The following THSD4 variants were observed in gnomAD, a reference collection of about 807,000 sequenced individuals.
THSD4 encodes the protein thrombospondin type 1 domain containing 4.
In THSD4, 69 loss-of-function variants were observed where a neutral mutation model predicts 119.0. The ratio of observed to expected loss-of-function variants is 0.58; its 90% CI spans 0.48 to 0.71. The LOEUF is 0.71. Among genes scored for constraint, THSD4 ranks in the 30% least tolerant of loss-of-function variants. The pLI, the probability that THSD4 is intolerant of heterozygous loss-of-function variation, is 0.00. For synonymous variants in THSD4, 524 were observed against 540.4 expected (o/e 0.97, Z 0.42); for missense variants, 1,393 against 1,391.1 (o/e 1.00, Z -0.02).
chr15:71,779,951 G>A lies in THSD4; in HGVS notation c.*2577G>A, dbSNP rs993545453. 4.0e-5 allele frequency: 6 copies of A among 150,184 alleles called. No individual in the cohort carries two copies. The highest frequency in any genetic ancestry group is 1.5e-4 in the African/African-American group (6 of 40,810). 9.3% of individuals were successfully genotyped at this position (150,184 alleles called of 1,614,324 possible). On this transcript the variant is annotated 3_prime_UTR_variant, in exon 18 of 18. Transcript: ENST00000261862. ...TTATTATAGTTTGATCAATTTATTT[G>A]TCTTAGAGATCCAATTTTTACTAAT...
intron 7 of THSD4, among the ~76,000 whole-genome samples, chr15:71,474,277 T>C (rs555100449): frequency 6.6e-6 from 1 of 152,250 alleles, no homozygotes; most frequent in African/African-American, 2.4e-5. Context: ...TGAAGTGCAG[T>C]GGCGTGATCT....
intron 1 of THSD4, among the ~76,000 whole-genome samples, chr15:71,116,041 G>A (rs948683276): frequency 6.6e-6 from 1 of 152,206 alleles, no homozygotes; most frequent in Non-Finnish European, 1.5e-5. Flanking sequence ...TCGGGGCCCC[G>A]TGCTCCCCGG....
At chr15:71,555,714 TATAGAC>T (rs1327414163) in intron 7 of THSD4, among the ~76,000 whole-genome samples, 1 of 152,216 alleles carries the variant, frequency 6.6e-6, no homozygotes, top group African/African-American at 2.4e-5. Flanking sequence ...ATCCCAAGGT[TATAGAC>T]ATAGTCTCCT....
intron 7 of THSD4, among the ~76,000 whole-genome samples, chr15:71,574,423 C>T (rs2049412001): frequency 6.6e-6 from 1 of 152,000 alleles, no homozygotes; most frequent in Non-Finnish European, 1.5e-5. Context: ...CCTCATGATA[C>T]CTAACACTAA....
At chr15:71,578,844 C>CTTT (rs373480493) in intron 7 of THSD4, among the ~76,000 whole-genome samples, 5,814 of 132,216 alleles carry the variant, frequency 0.044, 275 homozygotes, top group Middle Eastern at 0.1. Context: ...ACTGCATTAA[C>CTTT]TTTTTTTTTT....
intron 1 of THSD4, among the ~76,000 whole-genome samples, chr15:71,129,606 A>G (rs1160351038): frequency 6.6e-6 from 1 of 152,154 alleles, no homozygotes; most frequent in Non-Finnish European, 1.5e-5. Context: ...AATTTATGTG[A>G]TGACTGACTT....
chr15:71,557,082 T>A (rs187362200), intron 7 of THSD4, among the ~76,000 whole-genome samples: 3 of 152,248 alleles, frequency 2.0e-5, no homozygotes, highest in African/African-American at 7.2e-5. Flanking sequence ...AGAACACTTC[T>A]GACATTCTGC....
intron 7 of THSD4, among the ~76,000 whole-genome samples, chr15:71,647,972 C>T (rs1501419): frequency 0.52 from 78,654 of 151,938 alleles, 22,713 homozygotes; most frequent in Non-Finnish European, 0.65. Context: ...GAGATATAAG[C>T]GTATAGGTGG....
chr15:71,345,044 A>G (rs764565675), intron 6 of THSD4, among the ~76,000 whole-genome samples: 4 of 152,132 alleles, frequency 2.6e-5, no homozygotes, highest in East Asian at 3.9e-4. Context: ...ATCGGGAGAC[A>G]AAGTCCAAAA....
At chr15:71,387,713 G>T (rs930273740) in intron 6 of THSD4, among the ~76,000 whole-genome samples, 2 of 152,176 alleles carry the variant, frequency 1.3e-5, no homozygotes, top group African/African-American at 2.4e-5. Flanking sequence ...CTTGTTGATT[G>T]TAAGTATATA....
At chr15:71,688,707 C>CTG (rs55653630) in intron 8 of THSD4, among the ~76,000 whole-genome samples, 18,727 of 133,212 alleles carry the variant, frequency 0.14, 1,407 homozygotes, top group East Asian at 0.28. Context: ...TTTTGTATCT[C>CTG]TGTGTGTGTG....
At chr15:71,211,178 G>A (rs939127961) in intron 3 of THSD4, among the ~76,000 whole-genome samples, 2 of 152,056 alleles carry the variant, frequency 1.3e-5, no homozygotes, top group Non-Finnish European at 2.9e-5. Context: ...ATAGAATTTT[G>A]GTGCTTTATT....
chr15:71,195,161 C>G (rs1435973045), intron 3 of THSD4, among the ~76,000 whole-genome samples: 2 of 152,180 alleles, frequency 1.3e-5, no homozygotes, highest in African/African-American at 4.8e-5. Flanking sequence ...TGTACTCAGT[C>G]TACGGGAGAC....
chr15:71,233,212 G>A (rs1445253204), intron 4 of THSD4, among the ~76,000 whole-genome samples: 2 of 152,312 alleles, frequency 1.3e-5, no homozygotes, highest in East Asian at 3.9e-4. Flanking sequence ...GGGGCTTACA[G>A]TGTATTTATA....
At chr15:71,742,881 C>A (rs537717691) in intron 11 of THSD4, among the ~76,000 whole-genome samples, 5 of 152,124 alleles carry the variant, frequency 3.3e-5, no homozygotes, top group Admixed American at 3.3e-4. Flanking sequence ...ACGGCAAAAC[C>A]CCATCTCTAC....
chr15:71,560,546 G>A (rs1567036795), intron 7 of THSD4, among the ~76,000 whole-genome samples: 1 of 152,186 alleles, frequency 6.6e-6, no homozygotes, highest in Non-Finnish European at 1.5e-5. Flanking sequence ...GAATGCTTAG[G>A]GGTTTCGTAG....
chr15:71,215,212 C>CCTGG lies in THSD4; in HGVS notation c.279_282dup (p.Ala95TrpfsTer78). ...CTACCGCCTGCGCGGCGGCCAGCGGCCTGGCGCCCCTGCGCGCGCCTTCGC... is the reference window on the plus strand; with the variant it reads ...CTACCGCCTGCGCGGCGGCCAGCGGCCTGGCTGGCGCCCCTGCGCGCGCCTTCGC... On this transcript the variant is annotated frameshift_variant, in exon 4 of 18. Coordinates refer to ENST00000261862, the MANE Select transcript of THSD4 (RefSeq NM_024817.3). LOFTEE classifies it high-confidence loss of function. 2 of 1,374,250 alleles carry CCTGG rather than the reference C, an allele frequency of 1.5e-6. No homozygotes were observed. Among genetic ancestry groups the CCTGG allele is most frequent in the Non-Finnish European group, 1.9e-6 (2 of 1,068,984 alleles). 85.1% of individuals were successfully genotyped at this position (1,374,250 alleles called of 1,614,324 possible). A position where few individuals can be genotyped will look rare whatever the true frequency, so the allele number is the denominator to read the frequency against.
chr15:71,309,204 C>A (rs1309941098), intron 6 of THSD4, among the ~76,000 whole-genome samples: 2 of 152,196 alleles, frequency 1.3e-5, no homozygotes, highest in African/African-American at 2.4e-5. Flanking sequence ...CCTGTCTCAG[C>A]CTCCCAAATT....
At chr15:71,292,762 C>T (rs1393305803) in intron 6 of THSD4, among the ~76,000 whole-genome samples, 3 of 151,448 alleles carry the variant, frequency 2.0e-5, no homozygotes, top group South Asian at 2.1e-4. Context: ...CTGCAAGCTC[C>T]GCCTCCCGGG....
Sources: gnomAD v4.1 joint callset for allele counts (sites outside exome capture counted in the v4.1 genomes callset) on GRCh38, gnomAD v4.1.1 for gene constraint, MANE v1.5 for transcripts, NCBI Gene and HGNC (gene_info 2026-07-23, HGNC 2026-07-21) for gene names.